GLIPR1L2: variants seen among roughly 807,000 people sequenced by gnomAD.
The protein encoded by GLIPR1L2 is GLIPR1-like protein 2.
A neutral mutation model predicts 28.4 loss-of-function variants in GLIPR1L2; 21 were observed. That is an observed-to-expected ratio of 0.74 (90% CI 0.52 to 1.06). The LOEUF (loss-of-function observed/expected upper bound fraction) is 1.06, where lower values mean the gene tolerates loss of function less well. Among genes scored for constraint, GLIPR1L2 ranks in the 50% least tolerant of loss-of-function variants. The pLI is 0.00. For synonymous variants in GLIPR1L2, 145 were observed against 139.3 expected (o/e 1.04, Z -0.29); for missense variants, 476 against 416.9 (o/e 1.14, Z -1.23).
Position 75,430,927 on chromosome 12 carries a change from T to A in GLIPR1L2, c.801T>A (p.Cys267Ter), listed in dbSNP as rs1332997610. 6.5e-7 allele frequency: 1 copy of A among 1,535,616 alleles called. No homozygotes were observed. Among genetic ancestry groups the A allele is most frequent in the Admixed American group, 2.0e-5 (1 of 50,988 alleles). Residue 267 changes from cysteine (C) to a stop codon, truncating the protein, a stop_gained, in exon 6 of 6, where the codon TGT (cysteine) becomes TGA (stop). Transcript: ENST00000550916. LOFTEE classifies it low-confidence loss of function (END_TRUNC). ...TGAGAATATTATGTTTTATCCTGTG[T>A]GTCATAACTGTTTTGATAGTACAGT... The part of the protein sequence containing the change: ...LLLRILCFIL[C>*]VITVLIVQSQ...
chr12:75,420,013 T>C (rs1234595068), intron 3 of GLIPR1L2, among the ~76,000 whole-genome samples: 4 of 152,198 alleles, frequency 2.6e-5, no homozygotes, highest in Non-Finnish European at 5.9e-5. Context: ...AAGTAAGTCT[T>C]CTTGGAAAAC....
intron 4 of GLIPR1L2, among the ~76,000 whole-genome samples, chr12:75,425,352 A>G (rs2046023490): frequency 6.6e-6 from 1 of 152,090 alleles, no homozygotes; most frequent in South Asian, 2.1e-4. Context: ...CTAAGCCAGT[A>G]AAGGGGGCAT....
chr12:75,396,987 C>G (rs941962520), intron 1 of GLIPR1L2, among the ~76,000 whole-genome samples: 1 of 152,070 alleles, frequency 6.6e-6, no homozygotes, highest in African/African-American at 2.4e-5. Flanking sequence ...GTATCCATGT[C>G]CATTGTTAAG....
chr12:75,429,287 T>A (rs766550947), intron 4 of GLIPR1L2, among the ~76,000 whole-genome samples: 1 of 152,182 alleles, frequency 6.6e-6, no homozygotes, highest in Non-Finnish European at 1.5e-5. Flanking sequence ...CAAAGGAGAT[T>A]ATTTTGGAGC....
At chr12:75,424,915 G>T (rs1164753296) in intron 4 of GLIPR1L2, among the ~76,000 whole-genome samples, 2 of 151,934 alleles carry the variant, frequency 1.3e-5, no homozygotes, top group East Asian at 1.9e-4. Flanking sequence ...CAGGTCAGGG[G>T]AATGTAGTCA....
At position 75,415,493 on chromosome 12, in the gene GLIPR1L2, A is replaced by C. The variant is rs2045914505; in HGVS notation, c.584+1792A>C. On this transcript the variant is annotated intron_variant, in intron 3 of 5. Coordinates refer to ENST00000550916, the MANE Select transcript of GLIPR1L2 (RefSeq NM_001270396.2). Reference sequence around the variant, plus strand: ...GAATTACCACAAATGTAGTGATTTAAAGCAGCAACATTTATTATCAAACAG... The same window carrying C: ...GAATTACCACAAATGTAGTGATTTACAGCAGCAACATTTATTATCAAACAG... Among the ~76,000 whole-genome samples, 7 of 152,088 alleles carry C rather than the reference A, an allele frequency of 4.6e-5. No individual in the cohort carries two copies. In the South Asian group the frequency reaches 1.4e-3, roughly 31 times the overall value.
intron 1 of GLIPR1L2, among the ~76,000 whole-genome samples, chr12:75,409,588 C>CAT (rs1173407448): frequency 1.5e-5 from 2 of 129,990 alleles, no homozygotes; most frequent in Non-Finnish European, 3.5e-5. Context: ...TACACACACA[C>CAT]ATATATATAT....
At chr12:75,407,819 G>A (rs2045819864) in intron 1 of GLIPR1L2, among the ~76,000 whole-genome samples, 1 of 152,006 alleles carries the variant, frequency 6.6e-6, no homozygotes, top group Non-Finnish European at 1.5e-5. Flanking sequence ...GTAACCTTGA[G>A]AATTCTTTGG....
chr12:75,400,276 G>A (rs138766090), intron 1 of GLIPR1L2, among the ~76,000 whole-genome samples: 284 of 151,968 alleles, frequency 1.9e-3, no homozygotes, highest in African/African-American at 6.5e-3. Context: ...CTGCCACCAC[G>A]CCCGGCTAAT....
chr12:75,424,030 G>A (rs937604721), intron 4 of GLIPR1L2: 4 of 152,186 alleles, frequency 2.6e-5, no homozygotes, highest in Non-Finnish European at 5.9e-5. Flanking sequence ...ATAAACATAT[G>A]TTTGCAGGTG....
At chr12:75,425,734 T>C (rs1315347431) in intron 4 of GLIPR1L2, among the ~76,000 whole-genome samples, 1 of 152,170 alleles carries the variant, frequency 6.6e-6, no homozygotes, top group Non-Finnish European at 1.5e-5. Context: ...GGAGGGCACC[T>C]ATGCGTGCTA....
chr12:75,393,007 C>T lies in GLIPR1L2; in HGVS notation c.234+1657C>T, dbSNP rs143043680. On this transcript the variant is annotated intron_variant, in intron 1 of 5. Transcript: ENST00000550916. ...GTTTCTTTAGCAGATTTGGACATCA[C>T]TCAGCTTATTTAAACTCTTTTATTG... Among the ~76,000 whole-genome samples, 323 of 152,078 alleles carry T rather than the reference C, an allele frequency of 2.1e-3. 1 individual carries two copies. The highest frequency in any genetic ancestry group is 6.4e-3 in the African/African-American group (266 of 41,540).
At chr12:75,418,470 A>T (rs2045944881) in intron 3 of GLIPR1L2, among the ~76,000 whole-genome samples, 1 of 152,158 alleles carries the variant, frequency 6.6e-6, no homozygotes, top group East Asian at 1.9e-4. Flanking sequence ...GTATAGAAAA[A>T]ATTATTTATT....
At chr12:75,420,364 G>T (rs1407750700) in intron 3 of GLIPR1L2, among the ~76,000 whole-genome samples, 3 of 152,180 alleles carry the variant, frequency 2.0e-5, no homozygotes, top group Admixed American at 6.5e-5. Context: ...TTGAAAGACT[G>T]TGTATCTATA....
At chr12:75,394,593 A>T (rs1464346120) in intron 1 of GLIPR1L2, among the ~76,000 whole-genome samples, 1 of 151,834 alleles carries the variant, frequency 6.6e-6, no homozygotes, top group Non-Finnish European at 1.5e-5. Context: ...TGTTAGTCTA[A>T]TATGTCTGTA....
intron 1 of GLIPR1L2, among the ~76,000 whole-genome samples, chr12:75,394,762 G>GAAAAAAAAA (rs1566062568): frequency 4.0e-5 from 1 of 24,764 alleles, no homozygotes; most frequent in Admixed American, 4.9e-4. Flanking sequence ...TTGTATTTCT[G>GAAAAAAAAA]CAAAAAAAAA....
At position 75,431,985 on chromosome 12, in the gene GLIPR1L2, A is replaced by G. The variant is rs951907102; in HGVS notation, c.*824A>G. On this transcript the variant is annotated 3_prime_UTR_variant, in exon 6 of 6. Coordinates refer to ENST00000550916, the MANE Select transcript of GLIPR1L2 (RefSeq NM_001270396.2). ...AATGAACTAAATAAAAATACCTAGC[A>G]TAGGAGATTTCTTTATCTATAAAAT... The G allele has an allele frequency of 1.3e-5, 2 of 152,164 alleles. No homozygotes were observed. The highest frequency in any genetic ancestry group is 2.4e-5 in the African/African-American group (1 of 41,458). 9.4% of individuals were successfully genotyped at this position (152,164 alleles called of 1,614,324 possible). A position where few individuals can be genotyped will look rare whatever the true frequency, so the allele number is the denominator to read the frequency against.
At position 75,431,226 on chromosome 12, in the gene GLIPR1L2, C is replaced by CAA; in HGVS notation, c.*66_*67insAA. The CAA allele has an allele frequency of 2.2e-6, 1 of 459,812 alleles. No homozygotes were observed. The highest frequency in any genetic ancestry group is 3.8e-6 in the Non-Finnish European group (1 of 264,478). 28.5% of individuals were successfully genotyped at this position (459,812 alleles called of 1,614,324 possible). A position where few individuals can be genotyped will look rare whatever the true frequency, so the allele number is the denominator to read the frequency against. ...ACCAAAAGTGTAATACAAAAAAAGACAGAAAAAAAAAAAAAGTAAAACACT... is the reference window on the plus strand; with the variant it reads ...ACCAAAAGTGTAATACAAAAAAAGACAAAGAAAAAAAAAAAAAGTAAAACACT... On this transcript the variant is annotated 3_prime_UTR_variant, in exon 6 of 6. Coordinates refer to ENST00000550916, the MANE Select transcript of GLIPR1L2 (RefSeq NM_001270396.2).
Position 75,419,115 on chromosome 12 carries a change from C to G in GLIPR1L2, c.585-3789C>G, listed in dbSNP as rs1435266515. On this transcript the variant is annotated intron_variant, in intron 3 of 5. Transcript: ENST00000550916. ...CCATGGCACATGTATACCTATGTAA[C>G]AAACCTGCATGTTCTGCACATGTAC... 2.6e-5 allele frequency among the ~76,000 whole-genome samples: 4 copies of G among 152,134 alleles called. No homozygotes were observed. The East Asian group carries it at 7.7e-4, about 29-fold the overall frequency.
Sources: allele counts gnomAD v4.1 joint callset (sites outside exome capture counted in the v4.1 genomes callset), GRCh38; gene constraint gnomAD v4.1.1; transcripts MANE v1.5; gene names NCBI Gene and HGNC (gene_info 2026-07-23, HGNC 2026-07-21).